Variants in EPHA4 observed in about 807,000 individuals in gnomAD.
EPHA4 encodes the protein ephrin type-A receptor 4.
In EPHA4, 19 loss-of-function variants were observed where a neutral mutation model predicts 108.3. That is an observed-to-expected ratio of 0.18 (90% CI 0.12 to 0.26). EPHA4 has a LOEUF of 0.26. EPHA4 is among the 10% of genes least tolerant of loss of function. The pLI is 1.00. For missense variants in EPHA4, 917 were observed against 1,254.0 expected, an observed-to-expected ratio of 0.73 and a Z score of 4.06; for synonymous variants, 449 against 455.5, an observed-to-expected ratio of 0.99 and a Z score of 0.18.
intron 6 of EPHA4, among the ~76,000 whole-genome samples, chr2:221,457,636 T>G (rs1303172394): frequency 6.6e-6 from 1 of 152,158 alleles, no homozygotes; most frequent in African/African-American, 2.4e-5. Context: ...TAATCATACT[T>G]AATTGGGAAG....
chr2:221,425,384 G>A lies in EPHA4; in HGVS notation c.*644C>T, dbSNP rs2106087683. 6.5e-6 allele frequency: 1 copy of A among 152,770 alleles called. No homozygotes were observed. The highest frequency in any genetic ancestry group is 6.5e-5 in the Admixed American group (1 of 15,296). 9.5% of individuals were successfully genotyped at this position (152,770 alleles called of 1,614,324 possible). ...ACAGACCTCATTTGTCCAGTTAGGG[G>A]TTATGGGGCTTGGGTTACGTATATA... is the stretch of plus-strand genomic sequence containing the variant. On this transcript the variant is annotated 3_prime_UTR_variant, in exon 17 of 18. Transcript: ENST00000281821.
chr2:221,442,521 T>A (rs1031069390), intron 11 of EPHA4, among the ~76,000 whole-genome samples: 3 of 152,198 alleles, frequency 2.0e-5, no homozygotes, highest in Admixed American at 6.5e-5. Flanking sequence ...TTGCTTACCA[T>A]CTGCTTGAGC....
At chr2:221,542,865 G>A (rs893076423) in intron 3 of EPHA4, among the ~76,000 whole-genome samples, 5 of 152,136 alleles carry the variant, frequency 3.3e-5, no homozygotes, top group Admixed American at 1.3e-4. Flanking sequence ...AGAATGAAAA[G>A]AAAGGCTTTG....
chr2:221,551,219 A>C (rs980929384), intron 3 of EPHA4, among the ~76,000 whole-genome samples: 1 of 152,162 alleles, frequency 6.6e-6, no homozygotes, highest in African/African-American at 2.4e-5. Flanking sequence ...AAAACTTATT[A>C]GTATTCACAA....
chr2:221,526,558 A>C (rs1693328701), intron 3 of EPHA4, among the ~76,000 whole-genome samples: 1 of 128,090 alleles, frequency 7.8e-6, no homozygotes, highest in African/African-American at 3.1e-5. Context: ...AAAAAAAAAA[A>C]ATTCATGGCT....
chr2:221,458,084 A>C lies in EPHA4; in HGVS notation c.1319-94T>G. 4.0e-6 allele frequency: 6 copies of C among 1,483,222 alleles called. 1 individual carries two copies. The highest frequency in any genetic ancestry group is 5.5e-6 in the Non-Finnish European group (6 of 1,099,482). 91.9% of individuals were successfully genotyped at this position (1,483,222 alleles called of 1,614,324 possible). ...AAATAATTTCATCTTATTTAAGAAA[A>C]GTGTGAAAGATTGTCTTGTCTCCCC... On this transcript the variant is annotated intron_variant, in intron 5 of 17. Transcript: ENST00000281821.
intron 3 of EPHA4, among the ~76,000 whole-genome samples, chr2:221,505,823 T>A (rs1692614377): frequency 6.6e-6 from 1 of 152,214 alleles, no homozygotes; most frequent in Non-Finnish European, 1.5e-5. Context: ...CCCAAGGACC[T>A]GTTTTCAAAA....
At chr2:221,457,702 C>A (rs886213414) in intron 6 of EPHA4, among the ~76,000 whole-genome samples, 164 bp downstream of exon 6, 6 of 151,162 alleles carry the variant, frequency 4.0e-5, no homozygotes, top group Admixed American at 1.3e-4. Context: ...AACTGGCTAA[C>A]CCTTAAACAG....
At position 221,425,872 on chromosome 2, in the gene EPHA4, A is replaced by T; in HGVS notation, c.*156T>A. On this transcript the variant is annotated 3_prime_UTR_variant, in exon 17 of 18. Coordinates refer to ENST00000281821, the MANE Select transcript of EPHA4 (RefSeq NM_004438.5). ...TTTCTGTAAGCCCCACAGTTTCAGCAATCTGTGCACCAAGCAACGCTGCAG... is the reference window on the plus strand; with the variant it reads ...TTTCTGTAAGCCCCACAGTTTCAGCTATCTGTGCACCAAGCAACGCTGCAG... The T allele has an allele frequency of 1.5e-6, 1 of 657,766 alleles. No individual in the cohort carries two copies. 40.7% of individuals were successfully genotyped at this position (657,766 alleles called of 1,614,324 possible).
chr2:221,512,267 G>T (rs141745548), intron 3 of EPHA4, among the ~76,000 whole-genome samples: 1 of 152,022 alleles, frequency 6.6e-6, no homozygotes, highest in Non-Finnish European at 1.5e-5. Context: ...CAAGAAAAGC[G>T]TATATTTTAG....
At chr2:221,467,443 C>T (rs1427707576) in intron 5 of EPHA4, among the ~76,000 whole-genome samples, 2 of 152,190 alleles carry the variant, frequency 1.3e-5, no homozygotes, top group Admixed American at 1.3e-4. Context: ...AGTATACCTC[C>T]TGGGTTAAGC....
rs550296461 is a variant in EPHA4, at chr2:221,446,175, A to G, written c.1722T>C (p.Ser574=). The G allele has an allele frequency of 2.0e-6, 3 of 1,515,840 alleles. No homozygotes were observed. In the African/African-American group the frequency reaches 4.2e-5, roughly 21 times the overall value. The allele number at this position is 1,515,840 out of a possible 1,614,324, so 93.9% of individuals were successfully genotyped here. ...CTTCTTGTTTGGCTTTACTGTATTT[A>G]CTCCGTCTATTAAAATTTTTTTAAA... ...IAAFVISRRR[S]KYSKAKQEAD... is the part of the protein sequence containing the mutation. The change falls in exon 9 of 18, where the codon AGT becomes AGC. Residue 574 remains serine, a synonymous_variant. Coordinates refer to ENST00000281821, the MANE Select transcript of EPHA4 (RefSeq NM_004438.5).
chr2:221,567,704 C>A (rs1241205431), intron 2 of EPHA4, among the ~76,000 whole-genome samples: 1 of 152,182 alleles, frequency 6.6e-6, no homozygotes, highest in Non-Finnish European at 1.5e-5. Flanking sequence ...TCCTTGATAG[C>A]AGACTCTATG....
intron 3 of EPHA4, among the ~76,000 whole-genome samples, chr2:221,537,746 T>C (rs1012233467): frequency 6.6e-6 from 1 of 152,144 alleles, no homozygotes; most frequent in Non-Finnish European, 1.5e-5. Context: ...GCTATGATGG[T>C]GCCATTGCAC....
chr2:221,530,640 G>T (rs902906371), intron 3 of EPHA4, among the ~76,000 whole-genome samples: 1 of 152,126 alleles, frequency 6.6e-6, no homozygotes, highest in African/African-American at 2.4e-5. Flanking sequence ...AAGCTACTAG[G>T]CTAGGAATTC....
chr2:221,481,659 GA>G (rs1323023584), intron 5 of EPHA4, among the ~76,000 whole-genome samples: 1 of 151,222 alleles, frequency 6.6e-6, no homozygotes, highest in Non-Finnish European at 1.5e-5. Context: ...GTCTCAAAAA[GA>G]AAAAAAGAAA....
chr2:221,468,651 G>C (rs921204202), intron 5 of EPHA4, among the ~76,000 whole-genome samples: 3 of 152,184 alleles, frequency 2.0e-5, no homozygotes, highest in African/African-American at 7.2e-5. Context: ...GATGCACCCA[G>C]TAAATCTTTG....
chr2:221,441,124 C>G (rs1690410472), intron 11 of EPHA4, among the ~76,000 whole-genome samples: 1 of 151,856 alleles, frequency 6.6e-6, no homozygotes, highest in Non-Finnish European at 1.5e-5. Flanking sequence ...ATTTCTTCTT[C>G]CTAAAGATTT....
At chr2:221,475,458 A>G (rs1340996567) in intron 5 of EPHA4, among the ~76,000 whole-genome samples, 2 of 152,242 alleles carry the variant, frequency 1.3e-5, no homozygotes, top group African/African-American at 4.8e-5. Context: ...TACCCATCAC[A>G]TCCTTTGCCA....
Sources: allele counts gnomAD v4.1 joint callset (sites outside exome capture counted in the v4.1 genomes callset), GRCh38; gene constraint gnomAD v4.1.1; transcripts MANE v1.5; gene names NCBI Gene and HGNC (gene_info 2026-07-23, HGNC 2026-07-21).